Variants in CDKAL1 observed in about 807,000 individuals in gnomAD.
CDKAL1 encodes threonylcarbamoyladenosine tRNA methylthiotransferase.
CDKAL1 carries 32 observed loss-of-function variants against 68.2 expected under a neutral mutation model. That is an observed-to-expected ratio of 0.47 (90% CI 0.35 to 0.63). The LOEUF (loss-of-function observed/expected upper bound fraction) is 0.63, where lower values mean the gene tolerates loss of function less well. Ranked by LOEUF, CDKAL1 falls within the 30% of genes least tolerant of loss-of-function variation. The pLI is 0.00. For missense variants in CDKAL1, 606 were observed against 696.7 expected, an observed-to-expected ratio of 0.87 and a Z score of 1.47; for synonymous variants, 234 against 244.3, an observed-to-expected ratio of 0.96 and a Z score of 0.39.
chr6:21,036,969 A>G (rs555348511), intron 11 of CDKAL1, among the ~76,000 whole-genome samples: 1 of 152,312 alleles, frequency 6.6e-6, no homozygotes, highest in African/African-American at 2.4e-5. Context: ...GAGATTAGAC[A>G]AGAGGATTCG....
intron 8 of CDKAL1, 120 bp downstream of exon 8, chr6:20,781,385 A>C: frequency 1.2e-6 from 1 of 814,952 alleles, no homozygotes. Flanking sequence ...GAAAAATTAC[A>C]AAATGTGCTC....
intron 12 of CDKAL1, among the ~76,000 whole-genome samples, chr6:21,094,929 T>C (rs1014450110): frequency 6.6e-6 from 1 of 152,254 alleles, no homozygotes; most frequent in African/African-American, 2.4e-5. Flanking sequence ...AGGTAGTTCA[T>C]TGAGCTCTTC....
intron 8 of CDKAL1, among the ~76,000 whole-genome samples, chr6:20,806,240 G>A (rs1776566660): frequency 6.6e-6 from 1 of 152,140 alleles, no homozygotes; most frequent in Non-Finnish European, 1.5e-5. Context: ...TGTGGTATTT[G>A]GTTTTCTGTT....
At chr6:20,804,307 G>A (rs1178418691) in intron 8 of CDKAL1, among the ~76,000 whole-genome samples, 1 of 152,142 alleles carries the variant, frequency 6.6e-6, no homozygotes, top group Non-Finnish European at 1.5e-5. Context: ...AGAAACAATG[G>A]TAGTATGAAC....
At chr6:20,798,254 T>C (rs1341719984) in intron 8 of CDKAL1, among the ~76,000 whole-genome samples, 1 of 152,122 alleles carries the variant, frequency 6.6e-6, no homozygotes, top group Non-Finnish European at 1.5e-5. Context: ...CACAAGGGAA[T>C]GTTCTAGGGT....
intron 8 of CDKAL1, among the ~76,000 whole-genome samples, chr6:20,828,449 G>C (rs776202445): frequency 1.3e-5 from 2 of 151,780 alleles, no homozygotes; most frequent in South Asian, 4.2e-4. Flanking sequence ...GGCTGCTCTC[G>C]AACTCCTCAC....
intron 11 of CDKAL1, among the ~76,000 whole-genome samples, chr6:21,058,594 T>C (rs1295124330): frequency 6.6e-6 from 1 of 152,264 alleles, no homozygotes; most frequent in African/African-American, 2.4e-5. Flanking sequence ...GTTTATGTAG[T>C]TGCTTCATAG....
chr6:20,979,244 AAAATTAGCTGTT>A (rs1765990408), intron 10 of CDKAL1, among the ~76,000 whole-genome samples: 1 of 152,236 alleles, frequency 6.6e-6, no homozygotes. Context: ...GACTCTTGGT[AAAATTAGCTGTT>A]ATTCAACTCA....
intron 9 of CDKAL1, among the ~76,000 whole-genome samples, chr6:20,890,368 A>G (rs774785280): frequency 2.0e-5 from 3 of 152,236 alleles, no homozygotes; most frequent in Non-Finnish European, 2.9e-5. Context: ...CTTCCTCTCT[A>G]GTGATAAAAT....
intron 13 of CDKAL1, among the ~76,000 whole-genome samples, chr6:21,116,560 G>A (rs1191343853): frequency 3.3e-5 from 5 of 152,132 alleles, no homozygotes; most frequent in Admixed American, 1.3e-4. Context: ...ATCCTGTTCA[G>A]CTGATGGCAT....
chr6:20,593,067 T>C (rs1377548925), intron 4 of CDKAL1, among the ~76,000 whole-genome samples: 1 of 152,178 alleles, frequency 6.6e-6, no homozygotes, highest in Non-Finnish European at 1.5e-5. Context: ...TGGTTTTGGT[T>C]TGCCAGTATT....
chr6:20,676,072 T>G, intron 5 of CDKAL1, among the ~76,000 whole-genome samples: 1 of 152,240 alleles, frequency 6.6e-6, no homozygotes, highest in Non-Finnish European at 1.5e-5. Context: ...GGAATAAAGA[T>G]AAAATAAAAT....
intron 6 of CDKAL1, among the ~76,000 whole-genome samples, chr6:20,752,216 C>T (rs931771542): frequency 6.6e-6 from 1 of 150,714 alleles, no homozygotes; most frequent in African/African-American, 2.4e-5. Flanking sequence ...AACTTCTCTT[C>T]TGTTTGTAAT....
At chr6:20,581,629 T>C (rs957171768) in intron 4 of CDKAL1, among the ~76,000 whole-genome samples, 1 of 152,146 alleles carries the variant, frequency 6.6e-6, no homozygotes, top group African/African-American at 2.4e-5. Context: ...GGCAAAAGGG[T>C]CAGTAATGAT....
At chr6:21,221,687 T>G (rs552003864) in intron 15 of CDKAL1, among the ~76,000 whole-genome samples, 1 of 152,344 alleles carries the variant, frequency 6.6e-6, no homozygotes, top group African/African-American at 2.4e-5. Flanking sequence ...CTCTAATTTA[T>G]CCTGAGATCT....
intron 8 of CDKAL1, among the ~76,000 whole-genome samples, chr6:20,822,394 G>A: frequency 6.6e-6 from 1 of 152,086 alleles, no homozygotes; most frequent in Non-Finnish European, 1.5e-5. Context: ...AAGTATCACT[G>A]AATATTTTAG....
intron 9 of CDKAL1, among the ~76,000 whole-genome samples, chr6:20,920,213 T>C (rs1032614822): frequency 1.3e-5 from 2 of 152,306 alleles, no homozygotes; most frequent in Admixed American, 6.5e-5. Context: ...GGTCTGACTG[T>C]GTTTTGGGTG....
rs376272940 is a variant in CDKAL1, at chr6:20,863,086, C to G, written c.742+16908C>G. Among the ~76,000 whole-genome samples the G allele has an allele frequency of 8.5e-5, 13 of 152,286 alleles. No homozygotes were observed. In the East Asian group the frequency reaches 1.9e-3, roughly 23 times the overall value. ...GCATATTTATAAAGTGCATACAGAT[C>G]CCCTGGGAATTTTGTTAACATGCAA... On this transcript the variant is annotated intron_variant, in intron 9 of 15. Coordinates refer to ENST00000274695, the MANE Select transcript of CDKAL1 (RefSeq NM_017774.3).
intron 5 of CDKAL1, among the ~76,000 whole-genome samples, chr6:20,686,956 T>C (rs1562025814): frequency 6.6e-6 from 1 of 152,348 alleles, no homozygotes; most frequent in East Asian, 1.9e-4. Context: ...TATGATTATG[T>C]GATTTTTCTT....
Sources: allele counts gnomAD v4.1 joint callset (sites outside exome capture counted in the v4.1 genomes callset), GRCh38; gene constraint gnomAD v4.1.1; transcripts MANE v1.5; gene names NCBI Gene and HGNC (gene_info 2026-07-23, HGNC 2026-07-21).